ADCY5: variants seen among roughly 807,000 people sequenced by gnomAD.
The protein encoded by ADCY5 is adenylate cyclase 5.
In ADCY5, 30 loss-of-function variants were observed where a neutral mutation model predicts 119.7. That is an observed-to-expected ratio of 0.25 (90% CI 0.19 to 0.34). The LOEUF is 0.34. ADCY5 is among the 10% of genes least tolerant of loss of function. ADCY5 has a pLI of 1.00. For missense variants in ADCY5, 1,324 were observed against 1,775.2 expected (o/e 0.75, Z 4.57); for synonymous variants, 753 against 762.2 (o/e 0.99, Z 0.20).
At chr3:123,408,353 T>G (rs571365003) in intron 1 of ADCY5, among the ~76,000 whole-genome samples, 2,210 of 151,906 alleles carry the variant, frequency 0.015, 47 homozygotes, top group African/African-American at 0.049. Flanking sequence ...TTGTTTTTTT[T>G]TTTTTTTTTA....
At chr3:123,392,679 T>C (rs1421790072) in intron 1 of ADCY5, among the ~76,000 whole-genome samples, 2 of 152,152 alleles carry the variant, frequency 1.3e-5, no homozygotes, top group Non-Finnish European at 2.9e-5. Context: ...TCTTTCTCTC[T>C]GCATGTCTCT....
At chr3:123,384,372 T>C (rs977389085) in intron 1 of ADCY5, among the ~76,000 whole-genome samples, 3 of 152,138 alleles carry the variant, frequency 2.0e-5, no homozygotes, top group African/African-American at 7.2e-5. Context: ...CTACAGAGGC[T>C]CCTCTGGCAC....
intron 1 of ADCY5, among the ~76,000 whole-genome samples, chr3:123,426,138 T>C (rs1869860): frequency 0.99 from 150,818 of 152,284 alleles, 74,704 homozygotes; most frequent in Middle Eastern, 1. Flanking sequence ...TCATGATATC[T>C]CATTTCATGG....
chr3:123,330,573 G>A (rs1025721817), intron 5 of ADCY5, among the ~76,000 whole-genome samples: 12 of 152,204 alleles, frequency 7.9e-5, no homozygotes, highest in African/African-American at 2.7e-4. Context: ...GGCCCCGGAA[G>A]TGCAAGGGCC....
rs139175155 is a variant in ADCY5, at chr3:123,287,885, T to C, written c.3533-1076A>G. Among the ~76,000 whole-genome samples, 523 of 152,330 alleles carry C rather than the reference T, an allele frequency of 3.4e-3. 9 individuals carry two copies. Among genetic ancestry groups the C allele is most frequent in the African/African-American group, 0.011 (471 of 41,562 alleles). On this transcript the variant is annotated intron_variant, in intron 19 of 20. Coordinates refer to ENST00000462833, the MANE Select transcript of ADCY5 (RefSeq NM_183357.3). ...TCCTTATCTACCTCTTGGCAGATTC[T>C]ACACTCAGTCCCCAGGCCTGATCCA...
At chr3:123,306,892 C>T (rs938074740) in intron 12 of ADCY5, among the ~76,000 whole-genome samples, 1 of 152,172 alleles carries the variant, frequency 6.6e-6, no homozygotes, top group African/African-American at 2.4e-5. Flanking sequence ...TATATCCATA[C>T]ACTGGAATAT....
intron 7 of ADCY5, among the ~76,000 whole-genome samples, chr3:123,326,740 C>T (rs1203059587): frequency 6.6e-6 from 1 of 152,190 alleles, no homozygotes; most frequent in Non-Finnish European, 1.5e-5. Flanking sequence ...TGAAGGGCCC[C>T]CGAGCCAGGA....
Position 123,289,957 on chromosome 3 carries a change from G to A in ADCY5, c.3328-3C>T, listed in dbSNP as rs774834880. 5 of 1,613,908 alleles carry A rather than the reference G, an allele frequency of 3.1e-6. No individual in the cohort carries two copies. In the East Asian group the frequency reaches 1.1e-4, roughly 36 times the overall value. On this transcript the variant is annotated splice_region_variant and splice_polypyrimidine_tract_variant and intron_variant, in intron 18 of 20. Transcript: ENST00000462833. ...CGGAACCGATCCTCGCTGATGATCT[G>A]GATGAAGGAGGCCAAACCTGGGTCA...
chr3:123,448,183 G>A lies in ADCY5; in HGVS notation c.363C>T (p.Gly121=). 1.7e-6 allele frequency: 2 copies of A among 1,203,534 alleles called. No homozygotes were observed. Among genetic ancestry groups the A allele is most frequent in the South Asian group, 3.8e-5 (1 of 26,428 alleles). 74.6% of individuals were successfully genotyped at this position (1,203,534 alleles called of 1,614,324 possible). A position where few individuals can be genotyped will look rare whatever the true frequency, so the allele number is the denominator to read the frequency against. The change falls in exon 1 of 21, where the codon GGC becomes GGT. Residue 121 remains glycine (G), a synonymous_variant. Coordinates refer to ENST00000462833, the MANE Select transcript of ADCY5 (RefSeq NM_183357.3). ...CGRGSRRQRR[G]AASGGSTRAP... is the part of the protein sequence containing the mutation. ...CCCGGGTGCTGCCCCCGCTGGCCGC[G>A]CCCCGCCGCTGCCGGCGGCTGCCGC...
intron 1 of ADCY5, among the ~76,000 whole-genome samples, chr3:123,441,278 A>AT (rs1945717027): frequency 6.6e-6 from 1 of 152,106 alleles, no homozygotes; most frequent in South Asian, 2.1e-4. Context: ...GTGAATCTGC[A>AT]TTTTTTCAAA....
At chr3:123,338,707 C>T (rs1432804687) in intron 3 of ADCY5, among the ~76,000 whole-genome samples, 1 of 152,246 alleles carries the variant, frequency 6.6e-6, no homozygotes, top group Non-Finnish European at 1.5e-5. Context: ...CAGTCTCCTG[C>T]ATTCTATTCC....
At chr3:123,368,139 T>C in intron 1 of ADCY5, 2 of 1,104,354 alleles carry the variant, frequency 1.8e-6, no homozygotes, top group Non-Finnish European at 2.5e-6. Flanking sequence ...GAGCCAGTCA[T>C]GCAACCTACA....
At chr3:123,429,700 G>A (rs1043642568) in intron 1 of ADCY5, among the ~76,000 whole-genome samples, 48 of 152,364 alleles carry the variant, frequency 3.2e-4, no homozygotes, top group Non-Finnish European at 4.6e-4. Flanking sequence ...CAGGGGGCAG[G>A]TGTAGTCAGG....
At chr3:123,333,376 A>T (rs1410380162) in intron 3 of ADCY5, among the ~76,000 whole-genome samples, 1 of 152,222 alleles carries the variant, frequency 6.6e-6, no homozygotes, top group African/African-American at 2.4e-5. Context: ...GCCTGAACAG[A>T]CCAAGACAGA....
Position 123,332,681 on chromosome 3 carries a change from G to T in ADCY5, c.1407-6C>A, listed in dbSNP as rs375854245. 1.3e-6 allele frequency: 2 copies of T among 1,593,072 alleles called. No homozygotes were observed. Among genetic ancestry groups the T allele is most frequent in the Middle Eastern group, 1.7e-4 (1 of 6,016 alleles). On this transcript the variant is annotated splice_region_variant and splice_polypyrimidine_tract_variant and intron_variant, in intron 3 of 20. Coordinates refer to ENST00000462833, the MANE Select transcript of ADCY5 (RefSeq NM_183357.3). ...CGATGTCAGCAAACAGGATGCTGGGGGACAGGCAGAGGAGGAAGACCCTGC... is the reference window on the plus strand; with the variant it reads ...CGATGTCAGCAAACAGGATGCTGGGTGACAGGCAGAGGAGGAAGACCCTGC...
At chr3:123,291,525 T>G in intron 17 of ADCY5, 149 bp from the exon 18 acceptor site, 2 of 906,966 alleles carry the variant, frequency 2.2e-6, no homozygotes, top group Non-Finnish European at 3.3e-6. Flanking sequence ...CCGCTGTCTC[T>G]CCTCCTCTCT....
intron 1 of ADCY5, among the ~76,000 whole-genome samples, chr3:123,400,186 G>A (rs1944713870): frequency 6.6e-6 from 1 of 152,188 alleles, no homozygotes; most frequent in Admixed American, 6.5e-5. Flanking sequence ...TGGGTCTGGG[G>A]TCCAGAATCA....
At chr3:123,301,412 C>T (rs1939846631) in intron 14 of ADCY5, among the ~76,000 whole-genome samples, 1 of 152,162 alleles carries the variant, frequency 6.6e-6, no homozygotes, top group African/African-American at 2.4e-5. Flanking sequence ...ATGAGAAGGG[C>T]ATGCCCAGAT....
intron 1 of ADCY5, among the ~76,000 whole-genome samples, chr3:123,430,888 T>C (rs1042521437): frequency 2.0e-5 from 3 of 152,182 alleles, no homozygotes; most frequent in Non-Finnish European, 4.4e-5. Context: ...CTTGCCCTTC[T>C]TGCCCTGATC....
Sources: allele counts gnomAD v4.1 joint callset (sites outside exome capture counted in the v4.1 genomes callset), GRCh38; gene constraint gnomAD v4.1.1; transcripts MANE v1.5; gene names NCBI Gene and HGNC (gene_info 2026-07-23, HGNC 2026-07-21).